The following NLRP5 variants were observed in gnomAD, a reference collection of about 807,000 sequenced individuals.
NLRP5 encodes the protein NLR family pyrin domain containing 5.
In NLRP5, 93 loss-of-function variants were observed where a neutral mutation model predicts 113.1. The observed-to-expected ratio is 0.82, with a 90% CI of 0.70 to 0.98. The LOEUF (loss-of-function observed/expected upper bound fraction) is 0.98, where lower values mean the gene tolerates loss of function less well. Ranked by LOEUF, NLRP5 falls within the 50% of genes least tolerant of loss-of-function variation. The probability of loss-of-function intolerance (pLI) is 0.00; values close to 1 mark genes in which losing one functional copy is unlikely to be tolerated. For synonymous variants in NLRP5, 751 were observed against 600.7 expected, an observed-to-expected ratio of 1.25 and a Z score of -3.66; for missense variants, 1,808 against 1,514.3, an observed-to-expected ratio of 1.19 and a Z score of -3.22.
chr19:56,028,561 C>T (rs1982973451), intron 7 of NLRP5, 52 bp downstream of exon 7: 1 of 1,518,628 alleles, frequency 6.6e-7, no homozygotes, highest in Admixed American at 1.8e-5. Context: ...CTCTGTGTCT[C>T]TACTGCTGGG....
chr19:56,020,137 C>T (rs1483831337), intron 5 of NLRP5, among the ~76,000 whole-genome samples: 1 of 151,862 alleles, frequency 6.6e-6, no homozygotes, highest in African/African-American at 2.4e-5. Flanking sequence ...CGACCTACCC[C>T]TCATTTTAAT....
chr19:56,028,008 C>A lies in NLRP5; in HGVS notation c.1775C>A (p.Ala592Asp), dbSNP rs759898250. ...CACCTCAGTCTCCAGGACTTCTGTG[C>A]CGCCTTGTACTACGTGTTAGAGGGC... Residue 592 changes from alanine to aspartate, a missense_variant, in exon 7 of 15, where the codon GCC (alanine) becomes GAC (aspartate). Physicochemically the swap from Ala to Asp is moderately radical, Grantham distance 126. Transcript: ENST00000390649. 6.2e-7 allele frequency: 1 copy of A among 1,614,002 alleles called. No individual in the cohort carries two copies. Among genetic ancestry groups the A allele is most frequent in the Non-Finnish European group, 8.5e-7 (1 of 1,179,886 alleles).
chr19:56,032,678 C>T lies in NLRP5; in HGVS notation c.2344C>T (p.His782Tyr), dbSNP rs577329143. The change falls in exon 8 of 15, where the codon CAC (histidine) becomes TAC (tyrosine). Residue 782 changes from histidine to tyrosine, a missense_variant. His to Tyr is a moderately conservative substitution (Grantham distance 83). Coordinates refer to ENST00000390649, the MANE Select transcript of NLRP5 (RefSeq NM_153447.4). ...CTGCTCCATGCTTGGCACCCACCCA[C>T]ACCTGCGGCAGCTGGACCTGGGCAG... 6.0e-4 allele frequency: 966 copies of T among 1,613,724 alleles called. 15 individuals carry two copies. In the South Asian group the frequency reaches 0.01, roughly 17 times the overall value.
chr19:56,000,330 G>A (rs1981592065), intron 1 of NLRP5, among the ~76,000 whole-genome samples: 1 of 151,598 alleles, frequency 6.6e-6, no homozygotes, highest in South Asian at 2.1e-4. Flanking sequence ...GTGTCCCAGG[G>A]GAAAACGTGT....
chr19:56,061,339 A>G, intron 14 of NLRP5, 57 bp from the exon 15 acceptor site: 1 of 1,575,714 alleles, frequency 6.3e-7, no homozygotes, highest in Non-Finnish European at 8.6e-7. Flanking sequence ...AATTTTGAAG[A>G]AGGGAGAAGA....
intron 7 of NLRP5, among the ~76,000 whole-genome samples, chr19:56,029,697 G>T (rs1175738489): frequency 6.6e-6 from 1 of 152,200 alleles, no homozygotes; most frequent in East Asian, 1.9e-4. Flanking sequence ...ATGTGGACAG[G>T]CTGGGTGGAC....
intron 13 of NLRP5, 58 bp from the exon 14 acceptor site, chr19:56,058,182 G>A: frequency 7.7e-7 from 1 of 1,293,370 alleles, no homozygotes; most frequent in Non-Finnish European, 1.1e-6. Context: ...CATACGGGTT[G>A]AATGAAGGGT....
At chr19:56,010,874 G>A (rs1982162252) in intron 3 of NLRP5, among the ~76,000 whole-genome samples, 1 of 151,486 alleles carries the variant, frequency 6.6e-6, no homozygotes, top group African/African-American at 2.4e-5. Context: ...TGATGTGGCT[G>A]GACACAGTGA....
rs1194157936 is a variant in NLRP5 at position 56,033,626 on chromosome 19, G to A, written c.2532G>A (p.Leu844=). 2.5e-6 allele frequency: 4 copies of A among 1,613,816 alleles called. No individual in the cohort carries two copies. The highest frequency in any genetic ancestry group is 2.2e-5 in the East Asian group (1 of 44,870). ...ACCGTAACCTAAGATCCCTCAACTT[G>A]GGAGGCACCCACCTGAAGGAAGAGG... The change falls in exon 9 of 15, where the codon TTG becomes TTA. Residue 844 remains leucine, a synonymous_variant. Transcript: ENST00000390649.
At chr19:56,056,921 C>G (rs1984175676) in intron 13 of NLRP5, among the ~76,000 whole-genome samples, 1 of 152,096 alleles carries the variant, frequency 6.6e-6, no homozygotes, top group Non-Finnish European at 1.5e-5. Context: ...CAGTGGATCA[C>G]TTGAGGTCAG....
At chr19:56,041,208 T>C (rs1023118391) in intron 11 of NLRP5, 116 bp downstream of exon 11, 2 of 925,244 alleles carry the variant, frequency 2.2e-6, no homozygotes, top group Non-Finnish European at 3.4e-6. Context: ...TGAAGGGACC[T>C]GGTATATGCT....
In NLRP5 at chr19:56,019,043, G is replaced by A. The variant is rs142897528; in HGVS notation, c.566-299G>A. Among the ~76,000 whole-genome samples, 496 of 152,136 alleles carry A rather than the reference G, an allele frequency of 3.3e-3. 2 individuals are homozygous for A. The highest frequency in any genetic ancestry group is 0.011 in the African/African-American group (473 of 41,500). On this transcript the variant is annotated intron_variant, in intron 4 of 14. Coordinates refer to ENST00000390649, the MANE Select transcript of NLRP5 (RefSeq NM_153447.4). ...ACCCCTGACCTCTGGTGATCTGCCC[G>A]CCTCGGCCTCCCAAAGTGCTGGGAT...
chr19:56,016,416 G>C (rs778602377), intron 4 of NLRP5, among the ~76,000 whole-genome samples: 8 of 152,120 alleles, frequency 5.3e-5, no homozygotes, highest in Admixed American at 1.3e-4. Flanking sequence ...GCCTCCCAAA[G>C]TGCTGGGATT....
chr19:56,010,742 C>CAAAAAAAAAAAAAAAAAAACAAAA (rs1412317286), intron 3 of NLRP5, among the ~76,000 whole-genome samples: 1 of 41,278 alleles, frequency 2.4e-5, no homozygotes, highest in Non-Finnish European at 4.3e-5. Flanking sequence ...AACTCTGTCT[C>CAAAAAAAAAAAAAAAAAAACAAAA]AAAAAAAAAA....
intron 1 of NLRP5, among the ~76,000 whole-genome samples, chr19:56,002,348 T>C (rs1450447800): frequency 6.6e-6 from 1 of 152,112 alleles, no homozygotes; most frequent in Non-Finnish European, 1.5e-5. Flanking sequence ...ACCAAAACTG[T>C]TTACTGTGTT....
chr19:56,043,540 T>C (rs1313251176), intron 11 of NLRP5, among the ~76,000 whole-genome samples: 1 of 78,644 alleles, frequency 1.3e-5, no homozygotes. Context: ...TACTCTGCTA[T>C]TCTTTTTTTT....
At chr19:55,989,588 G>T in the NLRP5 span, among the ~76,000 whole-genome samples, 1 of 152,116 alleles carries the variant, frequency 6.6e-6, no homozygotes, top group Non-Finnish European at 1.5e-5. Flanking sequence ...AGCAATATGA[G>T]AAGGTGTGGC....
In NLRP5 at chr19:56,028,503, C is replaced by T. The variant is rs746321194; in HGVS notation, c.2270C>T (p.Pro757Leu). 6.8e-6 allele frequency: 11 copies of T among 1,612,192 alleles called. No homozygotes were observed. The highest frequency in any genetic ancestry group is 8.5e-6 in the Non-Finnish European group (10 of 1,179,144). The change falls in exon 7 of 15, where the codon CCT (proline) becomes CTT (leucine). Residue 757 changes from proline to leucine, a missense_variant. Physicochemically the swap from Pro to Leu is moderately conservative, Grantham distance 98. Coordinates refer to ENST00000390649, the MANE Select transcript of NLRP5 (RefSeq NM_153447.4). ...TCCGCTGAGGCATGTCCTGTGGTCC[C>T]TCTATGGTGAGTACCCCAGGCAGTT...
chr19:56,007,579 G>T (rs975482312), intron 2 of NLRP5, among the ~76,000 whole-genome samples: 4 of 151,002 alleles, frequency 2.6e-5, no homozygotes, highest in Admixed American at 1.3e-4. Context: ...TGAGCAGGAG[G>T]TGAAGACGGA....
Sources: allele counts gnomAD v4.1 joint callset (sites outside exome capture counted in the v4.1 genomes callset), GRCh38; gene constraint gnomAD v4.1.1; transcripts MANE v1.5; gene names NCBI Gene and HGNC (gene_info 2026-07-23, HGNC 2026-07-21).